Variants in STPG2 observed in about 807,000 individuals in gnomAD.
STPG2 encodes sperm-tail PG-rich repeat-containing protein 2.
In STPG2, 56 loss-of-function variants were observed where a neutral mutation model predicts 54.2. The observed-to-expected ratio is 1.03, with a 90% CI of 0.83 to 1.29. The LOEUF is 1.29. Ranked by LOEUF, STPG2 falls within the 50% of genes most tolerant of loss-of-function variation. The probability of loss-of-function intolerance (pLI) is 0.00; values close to 1 mark genes in which losing one functional copy is unlikely to be tolerated. For synonymous variants in STPG2, 200 were observed against 181.8 expected (o/e 1.10, Z -0.81); for missense variants, 596 against 544.9 (o/e 1.09, Z -0.93).
chr4:97,859,826 G>C lies in STPG2; in HGVS notation c.1045-18894C>G, dbSNP rs532594890. Among the ~76,000 whole-genome samples the C allele has an allele frequency of 1.4e-4, 22 of 152,206 alleles. No homozygotes were observed. The South Asian group carries it at 4.6e-3, about 32-fold the overall frequency. ...AGCCAATGCTGAGAAGTGTTTCTTT[G>C]ATGTTATCTTCTAGAATTTTTATGG... On this transcript the variant is annotated intron_variant, in intron 8 of 10. Coordinates refer to ENST00000295268, the MANE Select transcript of STPG2 (RefSeq NM_174952.3).
At chr4:97,603,875 T>C (rs1321141209) in intron 10 of STPG2, among the ~76,000 whole-genome samples, 1 of 151,574 alleles carries the variant, frequency 6.6e-6, no homozygotes, top group African/African-American at 2.4e-5. Context: ...AAAGTTTCAG[T>C]TTTGCAAGAT....
chr4:97,477,303 T>G (rs1304125354), intron 4 of STPG2, among the ~76,000 whole-genome samples: 6 of 152,180 alleles, frequency 3.9e-5, no homozygotes, highest in Non-Finnish European at 8.8e-5. Context: ...TCATTTCGTA[T>G]AACAGTTTCC....
At chr4:97,956,546 G>GA (rs1050883218) in intron 7 of STPG2, among the ~76,000 whole-genome samples, 4 of 152,030 alleles carry the variant, frequency 2.6e-5, no homozygotes, top group African/African-American at 7.2e-5. Context: ...CAGACCCACT[G>GA]AAAAAAGCAG....
At chr4:98,030,718 C>T (rs1203963822) in intron 5 of STPG2, among the ~76,000 whole-genome samples, 1 of 152,032 alleles carries the variant, frequency 6.6e-6, no homozygotes, top group Non-Finnish European at 1.5e-5. Flanking sequence ...AAAGAATACC[C>T]AGAAATAAGA....
chr4:97,538,353 A>G (rs1731593205), intron 4 of STPG2, among the ~76,000 whole-genome samples: 1 of 152,174 alleles, frequency 6.6e-6, no homozygotes, highest in African/African-American at 2.4e-5. Context: ...TAAATAACCT[A>G]ATGGAGCTGA....
chr4:97,814,804 T>C (rs1271931654), intron 9 of STPG2, among the ~76,000 whole-genome samples: 1 of 152,136 alleles, frequency 6.6e-6, no homozygotes, highest in Non-Finnish European at 1.5e-5. Flanking sequence ...GCTGGATGCC[T>C]CCTGCCCTTG....
chr4:97,839,540 G>A (rs1435410629), intron 9 of STPG2, among the ~76,000 whole-genome samples: 1 of 151,608 alleles, frequency 6.6e-6, no homozygotes, highest in Non-Finnish European at 1.5e-5. Context: ...TGGTGATGGT[G>A]CTGAAACTTC....
intron 4 of STPG2, among the ~76,000 whole-genome samples, chr4:97,550,432 C>G (rs1161687899): frequency 6.6e-6 from 1 of 151,828 alleles, no homozygotes; most frequent in African/African-American, 2.4e-5. Flanking sequence ...AATTCAGTGG[C>G]ATGTGTGGAG....
intron 4 of STPG2, among the ~76,000 whole-genome samples, chr4:97,541,128 G>A (rs1168181806): frequency 6.6e-6 from 1 of 152,122 alleles, no homozygotes; most frequent in Non-Finnish European, 1.5e-5. Context: ...AGGGCAATCA[G>A]GCAGGAGAAG....
intron 9 of STPG2, among the ~76,000 whole-genome samples, chr4:97,824,143 C>T (rs1050793313): frequency 2.6e-5 from 4 of 151,988 alleles, no homozygotes; most frequent in Admixed American, 6.6e-5. Flanking sequence ...TGAGAGTTGA[C>T]GGGGCTGCTG....
At chr4:97,669,534 C>G (rs1319410043) in intron 10 of STPG2, among the ~76,000 whole-genome samples, 1 of 26,408 alleles carries the variant, frequency 3.8e-5, no homozygotes. Flanking sequence ...CGGTGGCTCA[C>G]GCCTGTAATC....
chr4:97,907,509 A>G (rs1466831318), intron 8 of STPG2, among the ~76,000 whole-genome samples: 2 of 152,090 alleles, frequency 1.3e-5, no homozygotes, highest in Non-Finnish European at 2.9e-5. Context: ...CAGAATTGGA[A>G]AAAACTACTT....
chr4:97,634,796 A>C (rs1294205455), intron 10 of STPG2, among the ~76,000 whole-genome samples: 3 of 151,742 alleles, frequency 2.0e-5, no homozygotes, highest in African/African-American at 7.3e-5. Context: ...GAGAAAAAAG[A>C]ATAAAAAGAA....
intron 10 of STPG2, among the ~76,000 whole-genome samples, chr4:97,706,524 T>C (rs965765658): frequency 6.6e-6 from 1 of 152,188 alleles, no homozygotes; most frequent in Non-Finnish European, 1.5e-5. Flanking sequence ...TTTTCCAGTG[T>C]TCAGAGCTAT....
chr4:97,586,604 A>T (rs1733007868), intron 10 of STPG2, among the ~76,000 whole-genome samples: 2 of 152,002 alleles, frequency 1.3e-5, no homozygotes, highest in African/African-American at 4.8e-5. Context: ...TTTATGGGGA[A>T]ACACCAATTT....
chr4:97,606,401 T>C (rs184076843), intron 10 of STPG2, among the ~76,000 whole-genome samples: 42 of 151,930 alleles, frequency 2.8e-4, no homozygotes, highest in Admixed American at 6.6e-4. Context: ...ATCCTATAAG[T>C]GGTACTCTCT....
At chr4:97,939,857 T>C (rs1275857738) in intron 8 of STPG2, among the ~76,000 whole-genome samples, 1 of 152,186 alleles carries the variant, frequency 6.6e-6, no homozygotes, top group African/African-American at 2.4e-5. Context: ...TGTTAGCTGG[T>C]TATTATGTTG....
intron 5 of STPG2, among the ~76,000 whole-genome samples, chr4:98,040,974 A>T (rs1468813687): frequency 2.6e-5 from 4 of 151,896 alleles, no homozygotes; most frequent in Non-Finnish European, 5.9e-5. Flanking sequence ...TTTCACGAGC[A>T]TGGGATACTT....
At chr4:97,844,580 T>A (rs1421677342) in intron 8 of STPG2, among the ~76,000 whole-genome samples, 2 of 152,050 alleles carry the variant, frequency 1.3e-5, no homozygotes, top group Admixed American at 6.6e-5. Context: ...TTCCTTTTTC[T>A]TGTTGCTTTC....
Sources: allele counts gnomAD v4.1 joint callset (sites outside exome capture counted in the v4.1 genomes callset), GRCh38; gene constraint gnomAD v4.1.1; transcripts MANE v1.5; gene names NCBI Gene and HGNC (gene_info 2026-07-23, HGNC 2026-07-21).